GSAP: variants seen among roughly 807,000 people sequenced by gnomAD.
GSAP encodes the protein gamma-secretase-activating protein.
In GSAP, 118 loss-of-function variants were observed where a neutral mutation model predicts 131.7. The observed-to-expected ratio is 0.90, with a 90% CI of 0.77 to 1.04. The LOEUF is 1.04. Ranked by LOEUF, GSAP falls within the 50% of genes least tolerant of loss-of-function variation. The pLI is 0.00. For synonymous variants in GSAP, 381 were observed against 363.4 expected (o/e 1.05, Z -0.55); for missense variants, 1,019 against 1,013.2 (o/e 1.01, Z -0.08).
At chr7:77,372,216 A>C (rs1305839185) in intron 12 of GSAP, among the ~76,000 whole-genome samples, 2 of 152,252 alleles carry the variant, frequency 1.3e-5, no homozygotes, top group East Asian at 3.8e-4. Flanking sequence ...TCTACAAGAC[A>C]AATGGCCTGG....
chr7:77,369,283 T>C (rs1795776759), intron 12 of GSAP, among the ~76,000 whole-genome samples: 2 of 152,300 alleles, frequency 1.3e-5, no homozygotes, highest in South Asian at 4.1e-4. Context: ...ATGCTTTCAA[T>C]GCTTAGAAAG....
Position 77,349,361 on chromosome 7 carries a change from G to A in GSAP, c.1535C>T (p.Pro512Leu). The A allele has an allele frequency of 6.2e-7, 1 of 1,610,968 alleles. No individual in the cohort carries two copies. The highest frequency in any genetic ancestry group is 8.5e-7 in the Non-Finnish European group (1 of 1,177,294). ...ITLVTEDIAL[P>L]LMKVLSFKGY... is the part of the protein sequence containing the mutation. ...CTGTAAGGGACCTACCTTCATAAGA[G>A]GCAATGCAATGTCTTCTGTCACAAG... Residue 512 changes from proline to leucine, a missense_variant, in exon 19 of 31, where the codon CCT (proline) becomes CTT (leucine). Transcript: ENST00000257626.
At chr7:77,400,850 T>C (rs191508531) in intron 3 of GSAP, among the ~76,000 whole-genome samples, 47 of 151,988 alleles carry the variant, frequency 3.1e-4, no homozygotes, top group African/African-American at 1.0e-3. Flanking sequence ...ACAAGCATGC[T>C]TGAAGCAAAC....
intron 12 of GSAP, among the ~76,000 whole-genome samples, 149 bp downstream of exon 12, chr7:77,373,917 TAATG>T (rs1796476171): frequency 6.6e-6 from 1 of 152,218 alleles, no homozygotes; most frequent in Non-Finnish European, 1.5e-5. Flanking sequence ...TATTTAAAAT[TAATG>T]AAGATTTGAT....
intron 12 of GSAP, among the ~76,000 whole-genome samples, chr7:77,371,697 G>A (rs372469634): frequency 3.3e-5 from 5 of 152,178 alleles, no homozygotes; most frequent in South Asian, 4.2e-4. Flanking sequence ...TCGGCCTCCC[G>A]AAGTTCTGGG....
intron 9 of GSAP, 61 bp from the exon 10 acceptor site, chr7:77,376,968 A>C: frequency 1.1e-6 from 1 of 917,972 alleles, no homozygotes; most frequent in East Asian, 2.6e-5. Flanking sequence ...GGAAGCAGTC[A>C]AGAAGCAAAA....
At chr7:77,363,442 CAGGT>C in intron 12 of GSAP, among the ~76,000 whole-genome samples, 1 of 152,216 alleles carries the variant, frequency 6.6e-6, no homozygotes, top group Non-Finnish European at 1.5e-5. Context: ...AGGAGATTGA[CAGGT>C]AGAAAGTAAC....
intron 1 of GSAP, among the ~76,000 whole-genome samples, chr7:77,409,009 C>T (rs1802808145): frequency 6.6e-6 from 1 of 152,146 alleles, no homozygotes; most frequent in African/African-American, 2.4e-5. Context: ...CCACCCCTCA[C>T]AAGCAGCAGC....
chr7:77,351,095 TA>T, intron 18 of GSAP: 4 of 967,928 alleles, frequency 4.1e-6, no homozygotes, highest in Non-Finnish European at 4.9e-6. Flanking sequence ...AATATTCCTG[TA>T]AAAAAGGGTA....
intron 12 of GSAP, among the ~76,000 whole-genome samples, chr7:77,371,236 A>C (rs1796073863): frequency 6.6e-6 from 1 of 152,146 alleles, no homozygotes; most frequent in African/African-American, 2.4e-5. Flanking sequence ...CTGATGCCAG[A>C]AACCTGAGAA....
At chr7:77,374,629 G>A (rs929564747) in intron 11 of GSAP, among the ~76,000 whole-genome samples, 5 of 150,136 alleles carry the variant, frequency 3.3e-5, no homozygotes, top group African/African-American at 1.2e-4. Context: ...CTTGTCTTTT[G>A]TGTAAAAAGG....
At chr7:77,383,883 T>A (rs184313061) in intron 6 of GSAP, among the ~76,000 whole-genome samples, 6 of 152,374 alleles carry the variant, frequency 3.9e-5, no homozygotes, top group Non-Finnish European at 7.3e-5. Flanking sequence ...CCTAGTGTCC[T>A]ACCTTTGCAT....
chr7:77,319,094 C>T (rs768496048), intron 26 of GSAP, among the ~76,000 whole-genome samples: 3 of 151,852 alleles, frequency 2.0e-5, no homozygotes, highest in East Asian at 1.9e-4. Flanking sequence ...TAAAAGGAAA[C>T]GATCCAAAGA....
At position 77,371,033 on chromosome 7, in the gene GSAP, C is replaced by A. The variant is rs527695064; in HGVS notation, c.871+3037G>T. On this transcript the variant is annotated intron_variant, in intron 12 of 30. Transcript: ENST00000257626. Reference sequence around the variant, plus strand: ...ATTCATAAGTGTCCTCCCTCCTGACCAAATACCCCCTCCTATGCCTTCAAA... The same window carrying A: ...ATTCATAAGTGTCCTCCCTCCTGACAAAATACCCCCTCCTATGCCTTCAAA... Among the ~76,000 whole-genome samples, 26 of 152,182 alleles carry A rather than the reference C, an allele frequency of 1.7e-4. No homozygotes were observed. In the South Asian group the frequency reaches 5.2e-3, roughly 30 times the overall value.
intron 19 of GSAP, among the ~76,000 whole-genome samples, chr7:77,334,580 T>TAAAAAAAAAAAAAA (rs57442782): frequency 2.4e-5 from 2 of 81,924 alleles, no homozygotes; most frequent in Non-Finnish European, 4.4e-5. Context: ...ACTTAAAATT[T>TAAAAAAAAAAAAAA]AAAAAAAAAA....
At chr7:77,376,178 A>G (rs938811401) in intron 10 of GSAP, among the ~76,000 whole-genome samples, 1 of 152,188 alleles carries the variant, frequency 6.6e-6, no homozygotes, top group Non-Finnish European at 1.5e-5. Flanking sequence ...CCCATCAATT[A>G]TTAGGTTGGT....
At chr7:77,324,141 A>T (rs1000873679) in intron 23 of GSAP, among the ~76,000 whole-genome samples, 5 of 152,234 alleles carry the variant, frequency 3.3e-5, no homozygotes, top group African/African-American at 1.2e-4. Flanking sequence ...GACTGAGCCA[A>T]TGGGGGCAAC....
At chr7:77,401,860 TG>T (rs1322003975) in intron 3 of GSAP, among the ~76,000 whole-genome samples, 1 of 152,220 alleles carries the variant, frequency 6.6e-6, no homozygotes, top group East Asian at 1.9e-4. Context: ...TCATTCGAAC[TG>T]GTAAAATTTC....
intron 19 of GSAP, among the ~76,000 whole-genome samples, chr7:77,338,403 T>C (rs1369787864): frequency 6.6e-6 from 1 of 152,198 alleles, no homozygotes; most frequent in Non-Finnish European, 1.5e-5. Context: ...GGAAGTCCTT[T>C]GTCTCTCTAG....
Sources: gnomAD v4.1 joint callset for allele counts (sites outside exome capture counted in the v4.1 genomes callset) on GRCh38, gnomAD v4.1.1 for gene constraint, MANE v1.5 for transcripts, NCBI Gene and HGNC (gene_info 2026-07-23, HGNC 2026-07-21) for gene names.